The following UNC13C variants were observed in gnomAD, a reference collection of about 807,000 sequenced individuals.
UNC13C encodes the protein protein unc-13 homolog C.
In UNC13C, 174 loss-of-function variants were observed where a neutral mutation model predicts 245.4. That is an observed-to-expected ratio of 0.71 (90% confidence interval 0.63 to 0.80). UNC13C has a LOEUF of 0.80. UNC13C is among the 30% of genes least tolerant of loss of function. The pLI is 0.00. For synonymous variants in UNC13C, 992 were observed against 895.1 expected, an observed-to-expected ratio of 1.11 and a Z score of -1.93; for missense variants, 2,829 against 2,602.9, an observed-to-expected ratio of 1.09 and a Z score of -1.89.
intron 19 of UNC13C, among the ~76,000 whole-genome samples, chr15:54,419,617 G>A (rs8027848): frequency 0.16 from 24,002 of 151,970 alleles, 1,919 homozygotes; most frequent in East Asian, 0.17. Flanking sequence ...AGGCCTTAAT[G>A]AGTATTTTAT....
chr15:53,894,719 C>T, the UNC13C span, among the ~76,000 whole-genome samples: 2 of 152,140 alleles, frequency 1.3e-5, no homozygotes, highest in African/African-American at 2.4e-5. Context: ...TTTTAATTAT[C>T]AGTAGAAACA....
Position 54,333,847 on chromosome 15 carries a change from T to C in UNC13C, c.4575T>C (p.Phe1525=). 1 of 1,599,394 alleles carries C rather than the reference T, an allele frequency of 6.3e-7. No individual in the cohort carries two copies. The highest frequency in any genetic ancestry group is 8.5e-7 in the Non-Finnish European group (1 of 1,171,448). The change falls in exon 16 of 33, where the codon TTT becomes TTC. Residue 1525 remains phenylalanine, a synonymous_variant. Transcript: ENST00000260323. ...TVDLLTSITF[F]RMKVLELQSP... The stretch of plus-strand genomic sequence containing the variant: ...ACCTGTTAACAAGTATCACCTTTTT[T>C]AGGATGAAGGTATCTCATTTTATTT...
rs183975864 is a variant in UNC13C at position 53,993,146 on chromosome 15, A to T, written c.-257+14219A>T. On this transcript the variant is annotated intron_variant, in intron 1 of 32. Coordinates refer to ENST00000260323, the MANE Select transcript of UNC13C (RefSeq NM_001080534.3). ...CTTGCTATCAATTTTCTTAGGTCAGATTCCCAGGGAAGTAGGCTATGAGAC... is the reference window on the plus strand; with the variant it reads ...CTTGCTATCAATTTTCTTAGGTCAGTTTCCCAGGGAAGTAGGCTATGAGAC... Among the ~76,000 whole-genome samples the T allele has an allele frequency of 1.5e-4, 23 of 152,208 alleles. No individual in the cohort carries two copies. The East Asian group carries it at 4.5e-3, about 29-fold the overall frequency.
intron 2 of UNC13C, among the ~76,000 whole-genome samples, chr15:54,121,073 G>T (rs1328026893): frequency 6.6e-6 from 1 of 152,156 alleles, no homozygotes; most frequent in Non-Finnish European, 1.5e-5. Context: ...CGTTTGAGAG[G>T]ATGGAGTCCA....
At chr15:53,846,420 A>G in the UNC13C span, among the ~76,000 whole-genome samples, 5 of 152,216 alleles carry the variant, frequency 3.3e-5, 1 homozygote, top group South Asian at 4.1e-4. Context: ...ATGATAACCA[A>G]TGAGTCCATG....
chr15:54,087,607 T>C (rs985777480), intron 2 of UNC13C, among the ~76,000 whole-genome samples: 2 of 152,184 alleles, frequency 1.3e-5, no homozygotes, highest in African/African-American at 2.4e-5. Flanking sequence ...CTTAAATTAG[T>C]GTGATGTGGG....
chr15:54,237,991 C>G (rs1362725766), intron 7 of UNC13C, among the ~76,000 whole-genome samples: 1 of 151,608 alleles, frequency 6.6e-6, no homozygotes, highest in East Asian at 1.9e-4. Flanking sequence ...TAAGTTTTGC[C>G]TCTTTTACGA....
At chr15:54,381,846 T>A (rs934452460) in intron 17 of UNC13C, among the ~76,000 whole-genome samples, 9 of 152,158 alleles carry the variant, frequency 5.9e-5, no homozygotes, top group African/African-American at 2.2e-4. Flanking sequence ...TAAACAGATC[T>A]TCTGGACAGA....
At chr15:53,975,137 A>G (rs1012340372), upstream of UNC13C, among the ~76,000 whole-genome samples, 1 of 152,228 alleles carries the variant, frequency 6.6e-6, no homozygotes, top group African/African-American at 2.4e-5. Context: ...CATACTGTCA[A>G]TTCTACTCAA....
intron 4 of UNC13C, among the ~76,000 whole-genome samples, chr15:54,184,574 A>G (rs940686103): frequency 6.6e-6 from 1 of 152,120 alleles, no homozygotes; most frequent in African/African-American, 2.4e-5. Context: ...AGCTTCATCC[A>G]TGTCCCTACA....
At chr15:54,350,722 T>A (rs2038963814) in intron 17 of UNC13C, among the ~76,000 whole-genome samples, 1 of 152,210 alleles carries the variant, frequency 6.6e-6, no homozygotes, top group Non-Finnish European at 1.5e-5. Context: ...AATGGCGACC[T>A]CTGAAATTGT....
chr15:54,156,811 G>A (rs1452680642), intron 4 of UNC13C, among the ~76,000 whole-genome samples: 1 of 94,018 alleles, frequency 1.1e-5, no homozygotes, highest in Non-Finnish European at 2.2e-5. Flanking sequence ...GACTGTGTCA[G>A]TAGCAGTGAA....
At chr15:54,529,522 G>T (rs767264377) in intron 25 of UNC13C, among the ~76,000 whole-genome samples, 14 of 152,200 alleles carry the variant, frequency 9.2e-5, no homozygotes, top group Admixed American at 8.5e-4. Flanking sequence ...TCTGTTCATT[G>T]ATATATCTTC....
At chr15:54,471,887 G>A (rs1244887277) in intron 19 of UNC13C, among the ~76,000 whole-genome samples, 1 of 151,414 alleles carries the variant, frequency 6.6e-6, no homozygotes, top group African/African-American at 2.4e-5. Flanking sequence ...CATATAGTTG[G>A]GTCTTTTAAA....
At chr15:54,357,278 A>C (rs1299549169) in intron 17 of UNC13C, among the ~76,000 whole-genome samples, 4 of 152,054 alleles carry the variant, frequency 2.6e-5, no homozygotes, top group Non-Finnish European at 4.4e-5. Context: ...TAAATTTCAA[A>C]ATAAAAGATA....
rs572009621 is a variant in UNC13C at position 54,256,872 on chromosome 15, T to A, written c.3448+6428T>A. ...TGTGGTTTACGCAGTGCTATGTTTT[T>A]GTCTATGCTTAGGAAAAATAAGGAA... On this transcript the variant is annotated intron_variant, in intron 8 of 32. Coordinates refer to ENST00000260323, the MANE Select transcript of UNC13C (RefSeq NM_001080534.3). Among the ~76,000 whole-genome samples, 9 of 152,324 alleles carry A rather than the reference T, an allele frequency of 5.9e-5. No individual in the cohort carries two copies. In the South Asian group the frequency reaches 1.7e-3, roughly 28 times the overall value.
Position 54,549,620 on chromosome 15 carries a change from T to C in UNC13C, c.5821-15T>C. ...CTTAAGACTGAGTCTTCTCTCACTT[T>C]TTCTTTGTTTCTAGGGACCCCAGAT... is the stretch of plus-strand genomic sequence containing the variant. On this transcript the variant is annotated splice_polypyrimidine_tract_variant and intron_variant, in intron 27 of 32. Transcript: ENST00000260323. The C allele has an allele frequency of 6.3e-7, 1 of 1,593,260 alleles. No individual in the cohort carries two copies. Among genetic ancestry groups the C allele is most frequent in the Non-Finnish European group, 8.6e-7 (1 of 1,168,870 alleles).
At chr15:54,362,752 C>T (rs2039264246) in intron 17 of UNC13C, among the ~76,000 whole-genome samples, 1 of 152,128 alleles carries the variant, frequency 6.6e-6, no homozygotes, top group African/African-American at 2.4e-5. Context: ...CACTCATCTA[C>T]TGCATGACTC....
intron 1 of UNC13C, among the ~76,000 whole-genome samples, chr15:53,987,220 G>A (rs1894182641): frequency 6.6e-6 from 1 of 151,914 alleles, no homozygotes; most frequent in Non-Finnish European, 1.5e-5. Flanking sequence ...TTCTTGGTTG[G>A]TTAAATAACA....
Sources: gnomAD v4.1 joint callset for allele counts (sites outside exome capture counted in the v4.1 genomes callset) on GRCh38, gnomAD v4.1.1 for gene constraint, MANE v1.5 for transcripts, NCBI Gene and HGNC (gene_info 2026-07-23, HGNC 2026-07-21) for gene names.